Variants in SLC38A6 observed in about 807,000 individuals in gnomAD.
SLC38A6 encodes the protein solute carrier family 38 member 6, also known as N system amino acid transporter NAT-1.
Under a neutral mutation model 65.0 loss-of-function variants are expected in SLC38A6, and 73 were observed. That is an observed-to-expected ratio of 1.12 (90% confidence interval 0.93 to 1.37). The LOEUF (loss-of-function observed/expected upper bound fraction) is 1.37, where lower values mean the gene tolerates loss of function less well. SLC38A6 is among the 40% of genes most tolerant of loss of function. The pLI is 0.00. For synonymous variants in SLC38A6, 183 were observed against 178.8 expected (o/e 1.02, Z -0.19); for missense variants, 561 against 531.1 (o/e 1.06, Z -0.55).
At chr14:61,053,324 A>G (rs868181526), downstream of SLC38A6, among the ~76,000 whole-genome samples, 1 of 151,980 alleles carries the variant, frequency 6.6e-6, no homozygotes, top group East Asian at 1.9e-4. Context: ...GAATAGTGCT[A>G]CAGTGAACAG....
chr14:61,061,596 T>C (rs529455363), intron 15 of SLC38A6, among the ~76,000 whole-genome samples: 2 of 152,334 alleles, frequency 1.3e-5, no homozygotes, highest in East Asian at 3.9e-4. Context: ...GTTGCAATCC[T>C]ATAGTATGTA....
intron 5 of SLC38A6, among the ~76,000 whole-genome samples, chr14:61,021,820 G>GT (rs1374191044): frequency 6.6e-6 from 1 of 152,096 alleles, no homozygotes; most frequent in African/African-American, 2.4e-5. Context: ...TATTTTCAGA[G>GT]TTTTTTCTGT....
intron 8 of SLC38A6, among the ~76,000 whole-genome samples, chr14:61,040,272 G>A (rs1170039671): frequency 1.3e-5 from 2 of 151,576 alleles, no homozygotes; most frequent in Non-Finnish European, 2.9e-5. Flanking sequence ...GCCGGGCTTA[G>A]GTGATTCTTC....
At chr14:61,029,855 A>G (rs2040844150) in intron 5 of SLC38A6, among the ~76,000 whole-genome samples, 2 of 152,162 alleles carry the variant, frequency 1.3e-5, no homozygotes, top group Admixed American at 1.3e-4. Context: ...ATCTTTTTAG[A>G]GACTAATTTT....
chr14:61,004,609 CACAT>C lies in SLC38A6; in HGVS notation c.311-11291_311-11288del, dbSNP rs761630743. 3.9e-5 allele frequency: 6 copies of C among 152,208 alleles called. No individual in the cohort carries two copies. The East Asian group carries it at 7.7e-4, about 20-fold the overall frequency. The allele number at this position is 152,208 out of a possible 1,614,324, so 9.4% of individuals were successfully genotyped here. The stretch of plus-strand genomic sequence containing the variant: ...TAGAAGAAATGGATAAATTCCTTGA[CACAT>C]ACACCCTCCCAACACTAAACCAGGA... On this transcript the variant is annotated intron_variant, in intron 3 of 15. Transcript: ENST00000267488.
rs1166350837 is a variant in SLC38A6, at chr14:60,984,674, C to A, written c.237-56C>A. Reference sequence around the variant, plus strand: ...AGCAATTTGTTTTTGTAATGAGACACCATACAAAAGACAAACTTTTGGGAG... The same window carrying A: ...AGCAATTTGTTTTTGTAATGAGACAACATACAAAAGACAAACTTTTGGGAG... On this transcript the variant is annotated intron_variant, in intron 2 of 15. Transcript: ENST00000267488. 19 of 1,464,208 alleles carry A rather than the reference C, an allele frequency of 1.3e-5. No individual in the cohort carries two copies. In the African/African-American group the frequency reaches 1.5e-4, roughly 12 times the overall value. 90.7% of individuals were successfully genotyped at this position (1,464,208 alleles called of 1,614,324 possible). A position where few individuals can be genotyped will look rare whatever the true frequency, so the allele number is the denominator to read the frequency against.
chr14:61,075,590 T>C (rs2043372192), intron 15 of SLC38A6, among the ~76,000 whole-genome samples: 1 of 152,194 alleles, frequency 6.6e-6, no homozygotes, highest in African/African-American at 2.4e-5. Context: ...TAGTCATCAA[T>C]TGTACCTGTA....
At position 61,052,396 on chromosome 14, in the gene SLC38A6, A is replaced by G. The variant is rs373841106; in HGVS notation, c.1338A>G (p.Leu446=). Residue 446 remains leucine, a synonymous_variant, in exon 16 of 16, where the codon TTA becomes TTG. Transcript: ENST00000267488. The part of the protein sequence containing the change: ...IFGILVGNFS[L]ALIIFDWINK ...GAATTTTGGTTGGGAATTTTAGTTT[A>G]GCACTCATCATTTTTGATTGGATTA... The G allele has an allele frequency of 4.5e-5, 71 of 1,585,262 alleles. No individual in the cohort carries two copies. The highest frequency in any genetic ancestry group is 6.0e-5 in the Non-Finnish European group (70 of 1,168,308).
intron 15 of SLC38A6, among the ~76,000 whole-genome samples, chr14:61,060,981 C>T (rs1369571844): frequency 3.3e-5 from 5 of 150,810 alleles, no homozygotes; most frequent in South Asian, 4.2e-4. Flanking sequence ...TGCTTCGGCT[C>T]GCGCACGGTG....
At chr14:61,063,731 T>C (rs932762986) in intron 15 of SLC38A6, among the ~76,000 whole-genome samples, 3 of 152,086 alleles carry the variant, frequency 2.0e-5, no homozygotes, top group Non-Finnish European at 4.4e-5. Flanking sequence ...TGGAGAACAG[T>C]GTAGTGTAAT....
intron 3 of SLC38A6, among the ~76,000 whole-genome samples, chr14:61,009,781 T>C (rs1404770008): frequency 6.6e-6 from 1 of 152,260 alleles, no homozygotes; most frequent in Non-Finnish European, 1.5e-5. Flanking sequence ...CAGTCTATCA[T>C]TGTTGGACAT....
At position 61,007,000 on chromosome 14, in the gene SLC38A6, A is replaced by G. The variant is rs891865384; in HGVS notation, c.311-8904A>G. Reference sequence around the variant, plus strand: ...ATGGAATACTATGCAGCCATAAAAAATGATGAGTTCATGTCCTTTGTAGGG... The same window carrying G: ...ATGGAATACTATGCAGCCATAAAAAGTGATGAGTTCATGTCCTTTGTAGGG... On this transcript the variant is annotated intron_variant, in intron 3 of 15. Coordinates refer to ENST00000267488, the MANE Select transcript of SLC38A6 (RefSeq NM_153811.3). Among the ~76,000 whole-genome samples, 3 of 152,240 alleles carry G rather than the reference A, an allele frequency of 2.0e-5. No individual in the cohort carries two copies. In the East Asian group the frequency reaches 5.8e-4, roughly 29 times the overall value.
intron 15 of SLC38A6, among the ~76,000 whole-genome samples, chr14:61,075,777 T>TTGTGTGTGTGTG (rs57421102): frequency 4.1e-5 from 5 of 123,302 alleles, no homozygotes; most frequent in South Asian, 2.9e-4. Flanking sequence ...ATCAACCTGT[T>TTGTGTGTGTGTG]TGTGTGTGTG....
chr14:61,079,598 C>T (rs907578601), intron 16 of SLC38A6, among the ~76,000 whole-genome samples: 7 of 152,208 alleles, frequency 4.6e-5, no homozygotes, highest in Non-Finnish European at 7.3e-5. Flanking sequence ...GAAACCTATG[C>T]TCAACATCTT....
chr14:61,068,966 C>T (rs1311779795), intron 15 of SLC38A6, among the ~76,000 whole-genome samples: 1 of 152,154 alleles, frequency 6.6e-6, no homozygotes, highest in Non-Finnish European at 1.5e-5. Flanking sequence ...GACCCAGCCT[C>T]CTGCCAGACT....
intron 5 of SLC38A6, among the ~76,000 whole-genome samples, chr14:61,020,461 G>A (rs2040285448): frequency 6.6e-6 from 1 of 152,060 alleles, no homozygotes; most frequent in African/African-American, 2.4e-5. Flanking sequence ...CAAGAGGTCT[G>A]AGCTATATCA....
intron 16 of SLC38A6, among the ~76,000 whole-genome samples, chr14:61,082,607 G>A (rs1372510288): frequency 2.6e-5 from 4 of 152,164 alleles, no homozygotes; most frequent in African/African-American, 9.7e-5. Flanking sequence ...TTGCTTGACT[G>A]AAGCAGAGAC....
chr14:61,040,020 T>A (rs78711259), intron 8 of SLC38A6, among the ~76,000 whole-genome samples: 1,577 of 152,250 alleles, frequency 0.01, 26 homozygotes, highest in African/African-American at 0.036. Flanking sequence ...AATGATACCA[T>A]CAAGATGGAT....
chr14:61,039,464 G>A (rs1594699953), intron 8 of SLC38A6, among the ~76,000 whole-genome samples: 1 of 151,830 alleles, frequency 6.6e-6, no homozygotes, highest in South Asian at 2.1e-4. Context: ...TACATCTCCT[G>A]GGTTCAAGCA....
Sources: allele counts gnomAD v4.1 joint callset (sites outside exome capture counted in the v4.1 genomes callset), GRCh38; gene constraint gnomAD v4.1.1; transcripts MANE v1.5; gene names NCBI Gene and HGNC (gene_info 2026-07-23, HGNC 2026-07-21).